The following FCGR2B variants were observed in gnomAD, a reference collection of about 807,000 sequenced individuals.
FCGR2B encodes the protein low affinity immunoglobulin gamma Fc region receptor II-b.
A neutral mutation model predicts 24.8 loss-of-function variants in FCGR2B; 18 were observed. The observed-to-expected ratio is 0.73, with a 90% CI of 0.50 to 1.08. The LOEUF (loss-of-function observed/expected upper bound fraction) is 1.08. FCGR2B is among the 50% of genes least tolerant of loss of function. The probability of loss-of-function intolerance (pLI) is 0.00; values close to 1 mark genes in which losing one functional copy is unlikely to be tolerated. For missense variants in FCGR2B, 215 were observed against 297.6 expected, an observed-to-expected ratio of 0.72 and a Z score of 2.04; for synonymous variants, 79 against 109.8, an observed-to-expected ratio of 0.72 and a Z score of 1.75.
Position 161,677,663 on chromosome 1 carries a change from A to G in FCGR2B, c.*110A>G. Reference sequence around the variant, plus strand: ...GACAGGGAGATGCTGCAGTTCCAAAAGAGAAGGTTTCTTCCAGAGTCATCT... The same window carrying G: ...GACAGGGAGATGCTGCAGTTCCAAAGGAGAAGGTTTCTTCCAGAGTCATCT... On this transcript the variant is annotated 3_prime_UTR_variant, in exon 8 of 8. Transcript: ENST00000358671. The G allele has an allele frequency of 1.2e-6, 1 of 853,192 alleles. No homozygotes were observed. The allele number at this position is 853,192 out of a possible 1,614,324, so 52.9% of individuals were successfully genotyped here. A position where few individuals can be genotyped will look rare whatever the true frequency, so the allele number is the denominator to read the frequency against.
At position 161,678,042 on chromosome 1, in the gene FCGR2B, CATT is replaced by C. The variant is rs1368782722; in HGVS notation, c.*492_*494del. 3 of 215,454 alleles carry C rather than the reference CATT, an allele frequency of 1.4e-5. No individual in the cohort carries two copies. Among genetic ancestry groups the C allele is most frequent in the Non-Finnish European group, 2.8e-5 (3 of 107,034 alleles). 13.3% of individuals were successfully genotyped at this position (215,454 alleles called of 1,614,324 possible). A position where few individuals can be genotyped will look rare whatever the true frequency, so the allele number is the denominator to read the frequency against. On this transcript the variant is annotated 3_prime_UTR_variant, in exon 8 of 8. Coordinates refer to ENST00000358671, the MANE Select transcript of FCGR2B (RefSeq NM_001394477.1). ...ATCATATATTACTTTTATAATAAAA[CATT>C]ATAAAAACAACATTCTGTTTACCTT...
the FCGR2B span, among the ~76,000 whole-genome samples, chr1:161,649,425 T>A: frequency 6.6e-6 from 1 of 151,122 alleles, no homozygotes; most frequent in Admixed American, 6.6e-5. Context: ...GGAAGTTCAT[T>A]TCTCACCATG....
intron 1 of FCGR2B, among the ~76,000 whole-genome samples, chr1:161,664,300 G>A (rs1224517461): frequency 5.3e-5 from 5 of 94,974 alleles, no homozygotes; most frequent in African/African-American, 2.6e-4. Flanking sequence ...GCTCTTGGCT[G>A]TCAATGCAGG....
At chr1:161,661,403 A>G (rs1173303177), upstream of FCGR2B, among the ~76,000 whole-genome samples, 1 of 114,004 alleles carries the variant, frequency 8.8e-6, no homozygotes, top group Non-Finnish European at 1.8e-5. Context: ...CCTACCTGCT[A>G]CTTTTCCCTT....
chr1:161,677,558 C>T lies in FCGR2B; in HGVS notation c.*5C>T. ...GATGACCAGAACCGTATTTAGTCTCCATTGTCTTGCATTGGGATTTGAGAA... is the reference window on the plus strand; with the variant it reads ...GATGACCAGAACCGTATTTAGTCTCTATTGTCTTGCATTGGGATTTGAGAA... On this transcript the variant is annotated 3_prime_UTR_variant, in exon 8 of 8. Coordinates refer to ENST00000358671, the MANE Select transcript of FCGR2B (RefSeq NM_001394477.1). 6.3e-7 allele frequency: 1 copy of T among 1,593,520 alleles called. No homozygotes were observed. The highest frequency in any genetic ancestry group is 8.6e-7 in the Non-Finnish European group (1 of 1,165,292).
rs758396470 is a variant in FCGR2B at position 161,671,479 on chromosome 1, C to A, written c.221C>A (p.Thr74Asn). ...TCTGTGACTCTGACATGCCGGGGGACTCACAGCCCTGAGAGCGACTCCATT... is the reference window on the plus strand; with the variant it reads ...TCTGTGACTCTGACATGCCGGGGGAATCACAGCCCTGAGAGCGACTCCATT... ...EDSVTLTCRG[T>N]HSPESDSIQW... The change falls in exon 3 of 8, where the codon ACT becomes AAT. Residue 74 changes from threonine to asparagine, a missense_variant. This residue lies in a region of FCGR2B where 77 missense variants were observed against 68.8 expected (regional missense o/e 1.12). Transcript: ENST00000358671. 4.3e-6 allele frequency: 7 copies of A among 1,614,110 alleles called. No homozygotes were observed. In the South Asian group the frequency reaches 5.5e-5, roughly 13 times the overall value.
Position 161,671,409 on chromosome 1 carries a change from G to T in FCGR2B, c.151G>T (p.Val51Leu). The change falls in exon 3 of 8, where the codon GTG (valine) becomes TTG (leucine). Residue 51 changes from valine (V) to leucine (L), a missense_variant. Val to Leu is a conservative substitution (Grantham distance 32). Coordinates refer to ENST00000358671, the MANE Select transcript of FCGR2B (RefSeq NM_001394477.1). ...AGTPAAPPKA[V>L]LKLEPQWINV... is the part of the protein sequence containing the mutation. ...CCCCTCAGCAGCTCCCCCAAAGGCT[G>T]TGCTGAAACTCGAGCCCCAGTGGAT... 1.2e-6 allele frequency: 2 copies of T among 1,614,170 alleles called. No individual in the cohort carries two copies. Among genetic ancestry groups the T allele is most frequent in the Non-Finnish European group, 1.7e-6 (2 of 1,180,034 alleles).
rs575814054 is a variant in FCGR2B, at chr1:161,671,969, C to T, written c.391+320C>T. Reference sequence around the variant, plus strand: ...GCCCTGGAAATGACTCACTATACAACATGATGAATTCATTTAACCCTTGAG... The same window carrying T: ...GCCCTGGAAATGACTCACTATACAATATGATGAATTCATTTAACCCTTGAG... On this transcript the variant is annotated intron_variant, in intron 3 of 7. Coordinates refer to ENST00000358671, the MANE Select transcript of FCGR2B (RefSeq NM_001394477.1). The T allele has an allele frequency of 5.8e-3, 2,614 of 450,760 alleles. 61 individuals carry two copies. The highest frequency in any genetic ancestry group is 0.048 in the African/African-American group (2,417 of 50,582). 27.9% of individuals were successfully genotyped at this position (450,760 alleles called of 1,614,324 possible).
rs1235754770 is a variant in FCGR2B, at chr1:161,669,579, T to C, written c.113-673T>C. The stretch of plus-strand genomic sequence containing the variant: ...AGTGAGACCCTGTCCCCCCACAAAA[T>C]AAAATAAAATAAAATAAAATAAAAT... On this transcript the variant is annotated intron_variant, in intron 1 of 7. Coordinates refer to ENST00000358671, the MANE Select transcript of FCGR2B (RefSeq NM_001394477.1). 4.2e-5 allele frequency among the ~76,000 whole-genome samples: 3 copies of C among 71,258 alleles called. 1 individual carries two copies. Among genetic ancestry groups the C allele is most frequent in the Admixed American group, 1.7e-4 (1 of 5,754 alleles). 46.7% of individuals were successfully genotyped at this position (71,258 alleles called of 152,430 possible). A position where few individuals can be genotyped will look rare whatever the true frequency, so the allele number is the denominator to read the frequency against.
At chr1:161,676,031 T>C (rs1682097970) in intron 6 of FCGR2B, 1 of 231,922 alleles carries the variant, frequency 4.3e-6, no homozygotes, top group Non-Finnish European at 8.5e-6. Flanking sequence ...ACCTCTCAGG[T>C]CTTCTAGATT....
At chr1:161,654,467 TGTTCCTTA>T in the FCGR2B span, among the ~76,000 whole-genome samples, 1 of 136,458 alleles carries the variant, frequency 7.3e-6, no homozygotes, top group Non-Finnish European at 1.7e-5. Flanking sequence ...TTAAGACATT[TGTTCCTTA>T]GAAAAAAGGA....
chr1:161,675,625 G>A (rs1001168691), intron 6 of FCGR2B: 5 of 284,024 alleles, frequency 1.8e-5, no homozygotes, highest in African/African-American at 1.1e-4. Context: ...TCTTCCTGTG[G>A]AGCTTTGGCA....
At chr1:161,677,099 A>C in intron 6 of FCGR2B, 1 of 559,522 alleles carries the variant, frequency 1.8e-6, no homozygotes, top group Non-Finnish European at 3.1e-6. Flanking sequence ...AGCTCAAGTG[A>C]CTGCTCCACT....
At chr1:161,653,946 T>C in the FCGR2B span, among the ~76,000 whole-genome samples, 38,718 of 122,248 alleles carry the variant, frequency 0.32, 5,905 homozygotes, top group East Asian at 0.44. Context: ...CTTGGCTGCG[T>C]GAAGACAGCT....
At chr1:161,676,969 T>C in intron 6 of FCGR2B, 3 of 337,312 alleles carry the variant, frequency 8.9e-6, no homozygotes, top group Non-Finnish European at 1.1e-5. Flanking sequence ...AGCAAAAATC[T>C]GGACTTTACT....
chr1:161,678,118 T>C lies in FCGR2B; in HGVS notation c.*565T>C. ...TGTAGACTGAACTGCCTGGGGTCTG[T>C]TTCTCTTCAGTGATGAGACTCTTAG... On this transcript the variant is annotated 3_prime_UTR_variant, in exon 8 of 8. Coordinates refer to ENST00000358671, the MANE Select transcript of FCGR2B (RefSeq NM_001394477.1). The C allele has an allele frequency of 4.5e-6, 1 of 221,306 alleles. No individual in the cohort carries two copies. Among genetic ancestry groups the C allele is most frequent in the Non-Finnish European group, 9.0e-6 (1 of 110,564 alleles). The allele number at this position is 221,306 out of a possible 1,614,324, so 13.7% of individuals were successfully genotyped here. A position where few individuals can be genotyped will look rare whatever the true frequency, so the allele number is the denominator to read the frequency against.
the FCGR2B span, among the ~76,000 whole-genome samples, chr1:161,653,200 T>G: frequency 3.8e-5 from 5 of 133,318 alleles, 2 homozygotes; most frequent in African/African-American, 5.2e-5. Flanking sequence ...GGTCAGAAGT[T>G]CGAGACCAGC....
At chr1:161,650,006 C>T in the FCGR2B span, among the ~76,000 whole-genome samples, 4 of 150,486 alleles carry the variant, frequency 2.7e-5, no homozygotes, top group African/African-American at 7.4e-5. Context: ...AAAAAATATG[C>T]GTATGTGTGT....
At chr1:161,676,589 G>C (rs114004955) in intron 6 of FCGR2B, 1 of 160,024 alleles carries the variant, frequency 6.2e-6, no homozygotes, top group South Asian at 2.0e-4. Flanking sequence ...TTCAGAATGC[G>C]GTTTACTGCA....
Sources: gnomAD v4.1 joint callset for allele counts (sites outside exome capture counted in the v4.1 genomes callset) on GRCh38, gnomAD v4.1.1 for gene constraint, gnomAD v4.1.1 regional missense constraint, MANE v1.5 for transcripts, NCBI Gene and HGNC (gene_info 2026-07-23, HGNC 2026-07-21) for gene names.